GPHN: variants seen among roughly 807,000 people sequenced by gnomAD.
The protein encoded by GPHN is gephyrin.
A neutral mutation model predicts 95.5 loss-of-function variants in GPHN; 17 were observed. The ratio of observed to expected loss-of-function variants is 0.18; its 90% confidence interval spans 0.12 to 0.27. GPHN has a LOEUF of 0.27. GPHN is among the 10% of genes least tolerant of loss of function. GPHN has a pLI of 1.00. For missense variants in GPHN, 660 were observed against 978.1 expected, an observed-to-expected ratio of 0.67 and a Z score of 4.34; for synonymous variants, 320 against 322.5, an observed-to-expected ratio of 0.99 and a Z score of 0.08.
At chr14:67,641,746 C>G in the GPHN span, among the ~76,000 whole-genome samples, 1 of 152,116 alleles carries the variant, frequency 6.6e-6, no homozygotes, top group East Asian at 1.9e-4. Flanking sequence ...TTGAGACCAG[C>G]TGGGGCAACA....
intron 5 of GPHN, among the ~76,000 whole-genome samples, chr14:66,895,664 A>G (rs565432450): frequency 6.6e-6 from 1 of 152,280 alleles, no homozygotes; most frequent in Admixed American, 6.5e-5. Flanking sequence ...ACACTCAGCA[A>G]AGTTACCATT....
At chr14:66,797,417 T>G (rs1387504248) in intron 3 of GPHN, among the ~76,000 whole-genome samples, 1 of 151,946 alleles carries the variant, frequency 6.6e-6, no homozygotes, top group African/African-American at 2.4e-5. Flanking sequence ...GTAGATTGCT[T>G]TGGGTACTAT....
At chr14:67,581,015 C>T in the GPHN span, 21 of 1,612,076 alleles carry the variant, frequency 1.3e-5, 1 homozygote, top group South Asian at 2.0e-4. Flanking sequence ...GGACACGCGT[C>T]GTGAAGCTGA....
chr14:66,812,299 T>G (rs1286457208), intron 3 of GPHN, among the ~76,000 whole-genome samples: 1 of 152,216 alleles, frequency 6.6e-6, no homozygotes, highest in Non-Finnish European at 1.5e-5. Context: ...TCTGCCGAAG[T>G]CACTGCTTAC....
intron 5 of GPHN, among the ~76,000 whole-genome samples, chr14:66,897,233 C>G (rs1472773870): frequency 6.6e-6 from 1 of 152,008 alleles, no homozygotes; most frequent in Non-Finnish European, 1.5e-5. Context: ...TTCATTCTTT[C>G]ATTTGTTCAT....
chr14:67,374,102 A>T, the GPHN span, among the ~76,000 whole-genome samples: 2 of 152,166 alleles, frequency 1.3e-5, no homozygotes, highest in East Asian at 3.8e-4. Flanking sequence ...TCTTGTACAG[A>T]TTGAGTATCC....
At chr14:67,587,017 A>C in the GPHN span, 1 of 1,533,162 alleles carries the variant, frequency 6.5e-7, no homozygotes, top group Non-Finnish European at 8.8e-7. Flanking sequence ...TAAGTAAGAA[A>C]GCCAGGATTC....
chr14:67,221,718 C>A, the GPHN span: 2 of 1,595,280 alleles, frequency 1.3e-6, no homozygotes, highest in African/African-American at 2.7e-5. Context: ...TCTAGTAGAT[C>A]TTTTCTAAAT....
At chr14:66,698,815 A>C (rs2068297813) in intron 2 of GPHN, among the ~76,000 whole-genome samples, 1 of 152,220 alleles carries the variant, frequency 6.6e-6, no homozygotes, top group Non-Finnish European at 1.5e-5. Context: ...GGGAACCTGC[A>C]TGTATACAAA....
chr14:66,631,276 T>C (rs890621567), intron 1 of GPHN, among the ~76,000 whole-genome samples: 2 of 152,018 alleles, frequency 1.3e-5, no homozygotes, highest in Non-Finnish European at 2.9e-5. Flanking sequence ...CTTGAACTCC[T>C]GACCTCATGA....
intron 1 of GPHN, among the ~76,000 whole-genome samples, chr14:66,666,653 T>C (rs1406163701): frequency 6.6e-6 from 1 of 152,120 alleles, no homozygotes; most frequent in Non-Finnish European, 1.5e-5. Context: ...ATAAGAGCCA[T>C]AGAAGACAAA....
chr14:66,987,449 G>A (rs2071102628), intron 9 of GPHN, among the ~76,000 whole-genome samples: 2 of 151,990 alleles, frequency 1.3e-5, no homozygotes, highest in South Asian at 4.1e-4. Flanking sequence ...ATAAATGTAT[G>A]TTTATTGTTT....
At chr14:66,655,324 G>A (rs1051109180) in intron 1 of GPHN, among the ~76,000 whole-genome samples, 1 of 152,004 alleles carries the variant, frequency 6.6e-6, no homozygotes, top group Non-Finnish European at 1.5e-5. Context: ...GCCCTACAAC[G>A]TTTTGTAGAT....
At chr14:67,090,021 ATACT>A (rs1467292389) in intron 12 of GPHN, among the ~76,000 whole-genome samples, 1 of 152,172 alleles carries the variant, frequency 6.6e-6, no homozygotes, top group African/African-American at 2.4e-5. Flanking sequence ...ATTACCTCAC[ATACT>A]TATCATTTTT....
the GPHN span, among the ~76,000 whole-genome samples, chr14:67,456,883 G>T: frequency 6.6e-6 from 1 of 152,120 alleles, no homozygotes; most frequent in Non-Finnish European, 1.5e-5. Context: ...CAACCTAAAT[G>T]CTCATTTATG....
chr14:66,767,107 A>G (rs551689740), intron 2 of GPHN, among the ~76,000 whole-genome samples: 19 of 152,198 alleles, frequency 1.2e-4, no homozygotes, highest in Non-Finnish European at 7.4e-5. Context: ...GTAATATGAA[A>G]GAAAAGATTT....
At chr14:66,824,669 A>G (rs2061329297) in intron 4 of GPHN, 103 bp downstream of exon 4, 1 of 641,706 alleles carries the variant, frequency 1.6e-6, no homozygotes, top group Non-Finnish European at 2.7e-6. Context: ...TGCTAGGCAT[A>G]ACAAATGACT....
chr14:67,698,006 A>G, the GPHN span, among the ~76,000 whole-genome samples: 2 of 152,014 alleles, frequency 1.3e-5, no homozygotes, highest in Non-Finnish European at 2.9e-5. Context: ...CACTAGGGAC[A>G]GTAAATAAAG....
chr14:66,658,553 G>GC (rs1251611302), intron 1 of GPHN, among the ~76,000 whole-genome samples: 4 of 152,100 alleles, frequency 2.6e-5, no homozygotes, highest in Non-Finnish European at 5.9e-5. Flanking sequence ...TGATGAGTTA[G>GC]CAGCCATCAG....
Sources: gnomAD v4.1 joint callset for allele counts (sites outside exome capture counted in the v4.1 genomes callset) on GRCh38, gnomAD v4.1.1 for gene constraint, MANE v1.5 for transcripts, NCBI Gene and HGNC (gene_info 2026-07-23, HGNC 2026-07-21) for gene names.